The following IGF1R variants were observed in gnomAD, a reference collection of about 807,000 sequenced individuals.
IGF1R encodes insulin like growth factor 1 receptor, also known as insulin-like growth factor 1 receptor.
Under a neutral mutation model 144.6 loss-of-function variants are expected in IGF1R, and 44 were observed. The ratio of observed to expected loss-of-function variants is 0.30; its 90% CI spans 0.24 to 0.39. The LOEUF (loss-of-function observed/expected upper bound fraction) is 0.39. Ranked by LOEUF, IGF1R falls within the 10% of genes least tolerant of loss-of-function variation. The pLI is 1.00. For synonymous variants in IGF1R, 795 were observed against 722.8 expected (o/e 1.10, Z -1.60); for missense variants, 1,355 against 1,833.7 (o/e 0.74, Z 4.77).
In IGF1R at chr15:98,961,404, A is replaced by G. The variant is rs963327636; in HGVS notation, c.*3962A>G. Reference sequence around the variant, plus strand: ...TAGCAAATGCTTCAGAAACACCTCAATAAAAGAGAAAACTTGGCTTGTGTG... The same window carrying G: ...TAGCAAATGCTTCAGAAACACCTCAGTAAAAGAGAAAACTTGGCTTGTGTG... On this transcript the variant is annotated 3_prime_UTR_variant, in exon 21 of 21. Coordinates refer to ENST00000650285, the MANE Select transcript of IGF1R (RefSeq NM_000875.5). The G allele has an allele frequency of 1.5e-4, 35 of 233,420 alleles. No individual in the cohort carries two copies. Among genetic ancestry groups the G allele is most frequent in the Admixed American group, 1.2e-3 (22 of 17,788 alleles). The allele number at this position is 233,420 out of a possible 1,614,324, so 14.5% of individuals were successfully genotyped here.
intron 8 of IGF1R, among the ~76,000 whole-genome samples, chr15:98,915,749 G>A (rs901587999): frequency 4.6e-5 from 7 of 152,208 alleles, no homozygotes. Context: ...TTTTCACAGA[G>A]ATTACCGGAG....
chr15:98,863,856 G>A (rs2012289408), intron 2 of IGF1R, among the ~76,000 whole-genome samples: 1 of 152,176 alleles, frequency 6.6e-6, no homozygotes, highest in African/African-American at 2.4e-5. Context: ...GAGATGGGTT[G>A]GGAAGGTTTA....
chr15:98,665,919 A>G (rs2052725887), intron 1 of IGF1R, among the ~76,000 whole-genome samples: 1 of 58,406 alleles, frequency 1.7e-5, no homozygotes, highest in African/African-American at 2.8e-5. Context: ...ATGGACTTGA[A>G]TGGTCTTGCT....
intron 2 of IGF1R, chr15:98,890,666 T>A: frequency 6.4e-6 from 1 of 156,010 alleles, no homozygotes; most frequent in East Asian, 1.9e-4. Flanking sequence ...TCAGGACTCC[T>A]TTCCTGTAAC....
intron 2 of IGF1R, among the ~76,000 whole-genome samples, chr15:98,723,550 A>G (rs2054291616): frequency 6.6e-6 from 1 of 152,240 alleles, no homozygotes; most frequent in African/African-American, 2.4e-5. Context: ...ATTTGAAATA[A>G]TGGAAAGATG....
chr15:98,702,637 T>C (rs1331531209), intron 1 of IGF1R, among the ~76,000 whole-genome samples: 1 of 152,210 alleles, frequency 6.6e-6, no homozygotes, highest in Non-Finnish European at 1.5e-5. Context: ...TTTTAAGGCT[T>C]TCTTTAAAAT....
At chr15:98,806,999 GAAAAA>G (rs1490545593) in intron 2 of IGF1R, among the ~76,000 whole-genome samples, 1 of 151,638 alleles carries the variant, frequency 6.6e-6, no homozygotes, top group African/African-American at 2.4e-5. Flanking sequence ...CGTCTCAAAA[GAAAAA>G]AAAGAAAAGA....
At chr15:98,839,034 A>T (rs538602791) in intron 2 of IGF1R, among the ~76,000 whole-genome samples, 1 of 152,346 alleles carries the variant, frequency 6.6e-6, no homozygotes, top group African/African-American at 2.4e-5. Flanking sequence ...GGGTTTCACA[A>T]ACAGCACTGT....
chr15:98,734,741 C>T (rs2054573517), intron 2 of IGF1R: 1 of 152,218 alleles, frequency 6.6e-6, no homozygotes, highest in Non-Finnish European at 1.5e-5. Context: ...GTTTGGAGAA[C>T]TGAATTCATG....
chr15:98,773,339 G>A (rs552674216), intron 2 of IGF1R, among the ~76,000 whole-genome samples: 11 of 152,108 alleles, frequency 7.2e-5, no homozygotes, highest in South Asian at 2.1e-4. Context: ...AAAAACTCCC[G>A]TAATTAATGA....
intron 2 of IGF1R, among the ~76,000 whole-genome samples, chr15:98,749,345 G>A (rs1225506225): frequency 6.6e-6 from 1 of 151,866 alleles, no homozygotes; most frequent in Non-Finnish European, 1.5e-5. Flanking sequence ...ATTTCTCTTT[G>A]GTCTTGGTGA....
intron 2 of IGF1R, among the ~76,000 whole-genome samples, chr15:98,728,007 G>GTGT (rs1555436596): frequency 3.7e-5 from 4 of 108,750 alleles, no homozygotes; most frequent in East Asian, 2.9e-4. Context: ...AAGATGCATT[G>GTGT]TTTTTTTTTT....
At chr15:98,745,153 C>T (rs564280626) in intron 2 of IGF1R, among the ~76,000 whole-genome samples, 1 of 152,218 alleles carries the variant, frequency 6.6e-6, no homozygotes, top group African/African-American at 2.4e-5. Context: ...GGAAGTCATG[C>T]TTCTCAAGTA....
At chr15:98,865,993 A>AGGCTCCCAGAGGCTCCCAAG (rs1343674006) in intron 2 of IGF1R, among the ~76,000 whole-genome samples, 1 of 152,236 alleles carries the variant, frequency 6.6e-6, no homozygotes, top group East Asian at 1.9e-4. Flanking sequence ...CCCAGAGTAG[A>AGGCTCCCAGAGGCTCCCAAG]TACAACTTGC....
At position 98,962,301 on chromosome 15, in the gene IGF1R, TTC is replaced by T. The variant is rs1291977960; in HGVS notation, c.*4860_*4861del. The T allele has an allele frequency of 5.6e-5, 13 of 233,340 alleles. No individual in the cohort carries two copies. Among genetic ancestry groups the T allele is most frequent in the Non-Finnish European group, 8.5e-6 (1 of 118,144 alleles). The allele number at this position is 233,340 out of a possible 1,614,324, so 14.5% of individuals were successfully genotyped here. On this transcript the variant is annotated 3_prime_UTR_variant, in exon 21 of 21. Coordinates refer to ENST00000650285, the MANE Select transcript of IGF1R (RefSeq NM_000875.5). ...CATTCCAGCAGTCCCAGTTATGCATTTCAAGTTTGGGGTTTGTTCTTTTCGTT... is the reference window on the plus strand; with the variant it reads ...CATTCCAGCAGTCCCAGTTATGCATTAAGTTTGGGGTTTGTTCTTTTCGTT...
intron 2 of IGF1R, among the ~76,000 whole-genome samples, chr15:98,840,521 C>G (rs2011155293): frequency 6.6e-6 from 1 of 152,190 alleles, no homozygotes; most frequent in Non-Finnish European, 1.5e-5. Context: ...GCAGTCGTGG[C>G]TCACTGCAAC....
chr15:98,861,531 C>T (rs1346749193), intron 2 of IGF1R, among the ~76,000 whole-genome samples: 1 of 152,210 alleles, frequency 6.6e-6, no homozygotes, highest in Non-Finnish European at 1.5e-5. Flanking sequence ...CTACTACATA[C>T]TTCCTAGTTG....
At chr15:98,804,550 A>T (rs2056431138) in intron 2 of IGF1R, among the ~76,000 whole-genome samples, 2 of 152,278 alleles carry the variant, frequency 1.3e-5, no homozygotes, top group Non-Finnish European at 2.9e-5. Flanking sequence ...AGAGAAAGTG[A>T]AACGGGGCTA....
chr15:98,683,703 T>C (rs1223766931), intron 1 of IGF1R, among the ~76,000 whole-genome samples: 1 of 152,226 alleles, frequency 6.6e-6, no homozygotes, highest in Non-Finnish European at 1.5e-5. Context: ...TCAGTCACAG[T>C]TGGATGGCAA....
Sources: gnomAD v4.1 joint callset for allele counts (sites outside exome capture counted in the v4.1 genomes callset) on GRCh38, gnomAD v4.1.1 for gene constraint, MANE v1.5 for transcripts, NCBI Gene and HGNC (gene_info 2026-07-23, HGNC 2026-07-21) for gene names.